Variants in PCDHAC1 observed in about 807,000 individuals in gnomAD.
The protein encoded by PCDHAC1 is protocadherin alpha-C1.
Under a neutral mutation model 60.0 loss-of-function variants are expected in PCDHAC1, and 42 were observed. The ratio of observed to expected loss-of-function variants is 0.70; its 90% CI spans 0.55 to 0.90. The LOEUF is 0.90. Ranked by LOEUF, PCDHAC1 falls within the 40% of genes least tolerant of loss-of-function variation. The pLI is 0.00. For synonymous variants in PCDHAC1, 468 were observed against 499.3 expected (o/e 0.94, Z 0.84); for missense variants, 1,160 against 1,222.3 (o/e 0.95, Z 0.76).
At position 140,927,544 on chromosome 5, in the gene PCDHAC1, C is replaced by G. The variant is rs1442526060; in HGVS notation, c.652C>G (p.Gln218Glu). 2.5e-6 allele frequency: 4 copies of G among 1,614,034 alleles called. No homozygotes were observed. The East Asian group carries it at 6.7e-5, about 27-fold the overall frequency. ...GCTACCTGCCCGCTCAGGAGACGCA[C>G]AAGTCACCATCATTGTGGTGGACAC... ...GGLPARSGDA[Q>E]VTIIVVDTND... Residue 218 changes from glutamine (Q) to glutamate (E), a missense_variant, in exon 1 of 4, where the codon CAA becomes GAA. Physicochemically the swap from Gln to Glu is conservative, Grantham distance 29. Transcript: ENST00000253807.
chr5:141,009,720 C>G lies in PCDHAC1; in HGVS notation c.2675C>G (p.Ser892Cys), dbSNP rs782119637. ...FKYGPGNPKQ[S>C]GPGELPDKFI... ...TACGGACCAGGCAACCCCAAACAAT[C>G]CGGTCCCGGTGAGTTGCCCGACAAA... The change falls in exon 4 of 4, where the codon TCC (serine) becomes TGC (cysteine). Residue 892 changes from serine to cysteine, a missense_variant. Around this residue, in one of 3 missense-constraint regions of PCDHAC1, gnomAD observed 1,113 missense variants for 1,163.7 expected, o/e 0.96. Transcript: ENST00000253807. 1 of 1,614,180 alleles carries G rather than the reference C, an allele frequency of 6.2e-7. No individual in the cohort carries two copies. The highest frequency in any genetic ancestry group is 2.2e-5 in the East Asian group (1 of 44,872).
rs781997277 is a variant in PCDHAC1, at chr5:140,928,855, C to T, written c.1963C>T (p.Leu655=). Residue 655 remains leucine (L), a synonymous_variant, in exon 1 of 4, where the codon CTG becomes TTG. Coordinates refer to ENST00000253807, the MANE Select transcript of PCDHAC1 (RefSeq NM_018898.5). The part of the protein sequence containing the change: ...PLSSSVTLGV[L]LSNSVPQLLP... ...TTCCTCCTCTGTCACTCTGGGTGTG[C>T]TGTTGAGCAACTCTGTCCCTCAGTT... 1 of 1,614,184 alleles carries T rather than the reference C, an allele frequency of 6.2e-7. No individual in the cohort carries two copies. Among genetic ancestry groups the T allele is most frequent in the Non-Finnish European group, 8.5e-7 (1 of 1,180,044 alleles).
intron 1 of PCDHAC1, among the ~76,000 whole-genome samples, chr5:140,953,471 C>T (rs554082808): frequency 3.9e-5 from 6 of 152,074 alleles, no homozygotes; most frequent in Non-Finnish European, 7.4e-5. Flanking sequence ...TTTTAACTTC[C>T]TCATGCTGTG....
intron 1 of PCDHAC1, chr5:140,966,601 T>C: frequency 1.5e-6 from 1 of 652,170 alleles, no homozygotes; most frequent in East Asian, 3.4e-5. Flanking sequence ...CCAGGAGCCC[T>C]TGGGAGGGCC....
At chr5:140,973,768 A>G (rs1408539146) in intron 1 of PCDHAC1, among the ~76,000 whole-genome samples, 3 of 152,258 alleles carry the variant, frequency 2.0e-5, no homozygotes, top group African/African-American at 7.2e-5. Flanking sequence ...ACAGCCTGGC[A>G]TATTATAGGT....
At chr5:140,985,128 G>A (rs908196925) in intron 3 of PCDHAC1, among the ~76,000 whole-genome samples, 3 of 152,056 alleles carry the variant, frequency 2.0e-5, no homozygotes, top group Admixed American at 6.6e-5. Flanking sequence ...TAGTAAAGAC[G>A]GGGTTTCACC....
intron 1 of PCDHAC1, among the ~76,000 whole-genome samples, chr5:140,942,058 C>T (rs2093224752): frequency 6.6e-6 from 1 of 152,040 alleles, no homozygotes; most frequent in Non-Finnish European, 1.5e-5. Flanking sequence ...GAAATGTTTG[C>T]TAATTGAGCC....
At chr5:140,932,028 G>T (rs1299372751) in intron 1 of PCDHAC1, among the ~76,000 whole-genome samples, 1 of 151,864 alleles carries the variant, frequency 6.6e-6, no homozygotes, top group African/African-American at 2.4e-5. Context: ...TAAGTTTACA[G>T]TATATATTAA....
At position 140,941,191 on chromosome 5, in the gene PCDHAC1, TTTTCTTTCTTCC is replaced by T. The variant is rs1293685535; in HGVS notation, c.2433+11889_2433+11900del. 2.6e-3 allele frequency among the ~76,000 whole-genome samples: 239 copies of T among 93,120 alleles called. 3 individuals are homozygous for T. Among genetic ancestry groups the T allele is most frequent in the East Asian group, 5.8e-3 (18 of 3,094 alleles). The allele number at this position is 93,120 out of a possible 152,430, so 61.1% of individuals were successfully genotyped here. ...CATCTTGAACATCCTGCTTCTTTTT[TTTTCTTTCTTCC>T]TTTCTTTCTTCCTTTCTTTCTTTCT... is the stretch of plus-strand genomic sequence containing the variant. On this transcript the variant is annotated intron_variant, in intron 1 of 3. Transcript: ENST00000253807.
At position 140,963,044 on chromosome 5, in the gene PCDHAC1, T is replaced by C. The variant is rs144557802; in HGVS notation, c.2434-15905T>C. On this transcript the variant is annotated intron_variant, in intron 1 of 3. Transcript: ENST00000253807. The stretch of plus-strand genomic sequence containing the variant: ...AAGCAATTAACATTTATTGAGAGTC[T>C]ATAAGGGTTTCTACATTGTGAAGGA... Among the ~76,000 whole-genome samples the C allele has an allele frequency of 9.3e-4, 141 of 152,294 alleles. 1 individual carries two copies. Among genetic ancestry groups the C allele is most frequent in the African/African-American group, 2.9e-3 (121 of 41,576 alleles).
intron 1 of PCDHAC1, among the ~76,000 whole-genome samples, chr5:140,941,223 C>CTT (rs1276732463): frequency 3.0e-5 from 4 of 132,446 alleles, no homozygotes; most frequent in African/African-American, 1.2e-4. Context: ...TCCTTTCTTT[C>CTT]TTTCTTTCTT....
At chr5:140,955,397 A>T (rs1470827673) in intron 1 of PCDHAC1, among the ~76,000 whole-genome samples, 19 of 152,128 alleles carry the variant, frequency 1.2e-4, no homozygotes, top group Admixed American at 1.1e-3. Context: ...CAATTATCCC[A>T]TACAGTTCTC....
intron 3 of PCDHAC1, chr5:140,989,128 G>T (rs2097330831): frequency 1.3e-5 from 2 of 152,178 alleles, no homozygotes; most frequent in Non-Finnish European, 2.9e-5. Flanking sequence ...AGAAAAATAA[G>T]ACACTTTATC....
Position 140,928,661 on chromosome 5 carries a change from G to A in PCDHAC1, c.1769G>A (p.Ser590Asn), listed in dbSNP as rs1554206119. ...VTKVVAEDAD[S>N]GSNAWLSYHI... is the part of the protein sequence containing the mutation. ...AAAGTGGTAGCAGAGGATGCTGACA[G>A]TGGTTCTAATGCCTGGCTTTCCTAC... The change falls in exon 1 of 4, where the codon AGT becomes AAT. Residue 590 changes from serine to asparagine, a missense_variant. Physicochemically the swap from Ser to Asn is conservative, Grantham distance 46 (BLOSUM62 1). Around this residue, in one of 3 missense-constraint regions of PCDHAC1, gnomAD observed 1,113 missense variants for 1,163.7 expected, o/e 0.96. Coordinates refer to ENST00000253807, the MANE Select transcript of PCDHAC1 (RefSeq NM_018898.5). 6.2e-7 allele frequency: 1 copy of A among 1,614,218 alleles called. No homozygotes were observed. The highest frequency in any genetic ancestry group is 8.5e-7 in the Non-Finnish European group (1 of 1,180,048).
Position 140,927,051 on chromosome 5 carries a change from G to C in PCDHAC1, c.159G>C (p.Arg53=), listed in dbSNP as rs1554203978. Residue 53 remains arginine (R), a synonymous_variant, in exon 1 of 4, where the codon CGG becomes CGC. Transcript: ENST00000253807. ...LRLPAAAMSS[R]NFRFLSSHRE... ...TGCCAGCGGCCGCTATGTCCTCGCG[G>C]AACTTTCGCTTCCTTTCCAGCCACC... The C allele has an allele frequency of 6.2e-7, 1 of 1,611,998 alleles. No individual in the cohort carries two copies. Among genetic ancestry groups the C allele is most frequent in the Non-Finnish European group, 8.5e-7 (1 of 1,178,694 alleles).
At chr5:140,940,470 A>AT (rs201096499) in intron 1 of PCDHAC1, among the ~76,000 whole-genome samples, 9 of 149,600 alleles carry the variant, frequency 6.0e-5, no homozygotes, top group East Asian at 5.9e-4. Context: ...GTTCCCTGCA[A>AT]TTTTTTTTTT....
Position 141,009,784 on chromosome 5 carries a change from G to T in PCDHAC1, c.2739G>T (p.Arg913=). The T allele has an allele frequency of 6.2e-7, 1 of 1,614,054 alleles. No individual in the cohort carries two copies. The highest frequency in any genetic ancestry group is 8.5e-7 in the Non-Finnish European group (1 of 1,180,018). ...GATCTCCTGCAATCATCTCCATCCG[G>T]CAGGAGCCTACTAACAGCCAAATTG... ...IPGSPAIISI[R]QEPTNSQIDK... The change falls in exon 4 of 4, where the codon CGG becomes CGT. Residue 913 remains arginine (R), a synonymous_variant. Coordinates refer to ENST00000253807, the MANE Select transcript of PCDHAC1 (RefSeq NM_018898.5).
At chr5:140,940,398 T>C (rs936966571) in intron 1 of PCDHAC1, among the ~76,000 whole-genome samples, 10 of 152,340 alleles carry the variant, frequency 6.6e-5, no homozygotes, top group African/African-American at 2.4e-4. Context: ...TATTGTGTTT[T>C]TCATTTTAAA....
rs1423136904 is a variant in PCDHAC1 at position 140,966,615 on chromosome 5, G to A, written c.2434-12334G>A. 1.0e-5 allele frequency: 8 copies of A among 773,600 alleles called. No individual in the cohort carries two copies. In the Admixed American group the frequency reaches 1.2e-4, roughly 12 times the overall value. The allele number at this position is 773,600 out of a possible 1,614,324, so 47.9% of individuals were successfully genotyped here. A position where few individuals can be genotyped will look rare whatever the true frequency, so the allele number is the denominator to read the frequency against. On this transcript the variant is annotated intron_variant, in intron 1 of 3. Transcript: ENST00000253807. The stretch of plus-strand genomic sequence containing the variant: ...GCCAGGAGCCCTTGGGAGGGCCTAC[G>A]GAGGGAGCGGCCCCAGGCGCTTTCT...
Sources: gnomAD v4.1 joint callset for allele counts (sites outside exome capture counted in the v4.1 genomes callset) on GRCh38, gnomAD v4.1.1 for gene constraint, gnomAD v4.1.1 regional missense constraint, MANE v1.5 for transcripts, NCBI Gene and HGNC (gene_info 2026-07-23, HGNC 2026-07-21) for gene names.